Variants in TJP2 observed in about 807,000 individuals in gnomAD.
The protein encoded by TJP2 is Friedreich ataxia region gene X104 (tight junction protein ZO-2).
Under a neutral mutation model 133.1 loss-of-function variants are expected in TJP2, and 91 were observed. The observed-to-expected ratio is 0.68, with a 90% CI of 0.58 to 0.81. The LOEUF is 0.81. TJP2 is among the 40% of genes least tolerant of loss of function. The pLI, the probability that TJP2 is intolerant of heterozygous loss-of-function variation, is 0.00. For missense variants in TJP2, 1,541 were observed against 1,565.6 expected, an observed-to-expected ratio of 0.98 and a Z score of 0.26; for synonymous variants, 592 against 583.4, an observed-to-expected ratio of 1.01 and a Z score of -0.21.
At chr9:69,187,436 CTCTG>C (rs1314777841) in intron 1 of TJP2, among the ~76,000 whole-genome samples, 2 of 152,216 alleles carry the variant, frequency 1.3e-5, no homozygotes, top group Non-Finnish European at 2.9e-5. Context: ...ATTTCTGTTT[CTCTG>C]TCTCTTTCGT....
intron 2 of TJP2, among the ~76,000 whole-genome samples, chr9:69,216,070 C>CG (rs1828350857): frequency 6.6e-6 from 1 of 152,300 alleles, no homozygotes; most frequent in African/African-American, 2.4e-5. Context: ...TTTCCTATCC[C>CG]GGCCAGCTTC....
At position 69,244,254 on chromosome 9, in the gene TJP2, C is replaced by T. The variant is rs528170983; in HGVS notation, c.2567-2436C>T. On this transcript the variant is annotated intron_variant, in intron 17 of 22. Transcript: ENST00000377245. ...AGTATATTCAGAGTTGTACAGCTGTCATCACAACCAATCAATCTTAGAACA... is the reference window on the plus strand; with the variant it reads ...AGTATATTCAGAGTTGTACAGCTGTTATCACAACCAATCAATCTTAGAACA... 1.6e-3 allele frequency among the ~76,000 whole-genome samples: 236 copies of T among 151,002 alleles called. 1 individual carries two copies. Among genetic ancestry groups the T allele is most frequent in the African/African-American group, 5.6e-3 (229 of 41,140 alleles).
chr9:69,234,857 T>C (rs1830067072), intron 12 of TJP2, among the ~76,000 whole-genome samples: 1 of 152,196 alleles, frequency 6.6e-6, no homozygotes, highest in South Asian at 2.1e-4. Flanking sequence ...ATACGACATG[T>C]GCAAAGGCCA....
chr9:69,121,416 C>A (rs1238259518), upstream of TJP2: 1 of 918,728 alleles, frequency 1.1e-6, no homozygotes, highest in Non-Finnish European at 1.3e-6. Flanking sequence ...CTCTCTGGCT[C>A]GCCACCGCCC....
upstream of TJP2, among the ~76,000 whole-genome samples, chr9:69,172,230 T>C (rs1236749472): frequency 6.6e-6 from 1 of 152,246 alleles, no homozygotes. Flanking sequence ...AAAAAGCTAA[T>C]ATATCAACTG....
chr9:69,219,783 C>A (rs1828670758), intron 4 of TJP2, among the ~76,000 whole-genome samples: 1 of 152,160 alleles, frequency 6.6e-6, no homozygotes, highest in Admixed American at 6.5e-5. Flanking sequence ...TCACTCATTG[C>A]ATTTAATCAT....
intron 1 of TJP2, among the ~76,000 whole-genome samples, chr9:69,206,016 TGC>T (rs1211390408): frequency 6.6e-6 from 1 of 152,242 alleles, no homozygotes; most frequent in African/African-American, 2.4e-5. Flanking sequence ...AGTAACTATT[TGC>T]CTTAGTTCCT....
chr9:69,197,399 T>G (rs73450836), intron 1 of TJP2, among the ~76,000 whole-genome samples: 1 of 152,226 alleles, frequency 6.6e-6, no homozygotes, highest in Non-Finnish European at 1.5e-5. Context: ...TTGGGCTGTT[T>G]CCACTTGTTT....
intron 1 of TJP2, among the ~76,000 whole-genome samples, chr9:69,148,373 CTTTTT>C (rs780212434): frequency 7.6e-6 from 1 of 130,942 alleles, no homozygotes; most frequent in African/African-American, 2.8e-5. Context: ...CTCTGTAATA[CTTTTT>C]TTTTTTTTTT....
chr9:69,254,076 C>T (rs932952672), intron 22 of TJP2, 133 bp from the exon 23 acceptor site: 5 of 1,035,726 alleles, frequency 4.8e-6, no homozygotes, highest in African/African-American at 1.6e-5. Context: ...GCCCTGGTTG[C>T]TCTGCAGAAT....
intron 1 of TJP2, among the ~76,000 whole-genome samples, chr9:69,209,849 T>G (rs1007936356): frequency 5.9e-5 from 9 of 152,204 alleles, no homozygotes; most frequent in Non-Finnish European, 1.2e-4. Flanking sequence ...AATGCTGTTT[T>G]AGACACATGC....
intron 1 of TJP2, among the ~76,000 whole-genome samples, chr9:69,129,128 A>G (rs1182729506): frequency 6.6e-6 from 1 of 152,242 alleles, no homozygotes; most frequent in Non-Finnish European, 1.5e-5. Context: ...TTTAATGTCC[A>G]TGAAAATAAT....
chr9:69,145,066 G>C (rs557333488), intron 1 of TJP2, among the ~76,000 whole-genome samples: 1 of 152,222 alleles, frequency 6.6e-6, no homozygotes, highest in East Asian at 1.9e-4. Context: ...ACACATGTTG[G>C]GTTCTAGAGG....
chr9:69,205,214 T>A (rs1827303987), intron 1 of TJP2: 5 of 1,537,126 alleles, frequency 3.3e-6, no homozygotes, highest in Non-Finnish European at 4.4e-6. Flanking sequence ...GTTAAAAAGT[T>A]GAGGAGATGG....
In TJP2 at chr9:69,218,258, G is replaced by C; in HGVS notation, c.241G>C (p.Glu81Gln). 1 of 1,612,448 alleles carries C rather than the reference G, an allele frequency of 6.2e-7. No individual in the cohort carries two copies. The highest frequency in any genetic ancestry group is 8.5e-7 in the Non-Finnish European group (1 of 1,178,476). The change falls in exon 4 of 23, where the codon GAA becomes CAA. Residue 81 changes from glutamate to glutamine, a missense_variant and splice_region_variant. Coordinates refer to ENST00000377245, the MANE Select transcript of TJP2 (RefSeq NM_004817.4). Reference protein sequence around the residue: ...PGGPADGLLQENDRVVMVNGT... With the variant: ...PGGPADGLLQQNDRVVMVNGT... The stretch of plus-strand genomic sequence containing the variant: ...CCCATTTTTATTTCTTGTTTACAGA[G>C]AAAATGACAGAGTGGTCATGGTCAA...
chr9:69,234,402 T>C lies in TJP2; in HGVS notation c.1672-37T>C, dbSNP rs111745806. ...TCTTTCTTTCTTTCTTTCTTTCTTT[T>C]TTTTTTTTTTCTTTTTCTGTTTTTC... On this transcript the variant is annotated intron_variant, in intron 11 of 22. Coordinates refer to ENST00000377245, the MANE Select transcript of TJP2 (RefSeq NM_004817.4). 1.9e-4 allele frequency: 233 copies of C among 1,217,462 alleles called. No individual in the cohort carries two copies. In the East Asian group the frequency reaches 2.0e-3, roughly 11 times the overall value. The allele number at this position is 1,217,462 out of a possible 1,614,324, so 75.4% of individuals were successfully genotyped here.
intron 1 of TJP2, among the ~76,000 whole-genome samples, chr9:69,136,150 A>G (rs1394148825): frequency 6.6e-6 from 1 of 152,148 alleles, no homozygotes; most frequent in African/African-American, 2.4e-5. Flanking sequence ...ACTGTGGTCC[A>G]TAGAACCAAT....
In TJP2 at chr9:69,208,478, G is replaced by A. The variant is rs540176636; in HGVS notation, c.61-4070G>A. 6.6e-5 allele frequency among the ~76,000 whole-genome samples: 10 copies of A among 152,230 alleles called. No individual in the cohort carries two copies. The South Asian group carries it at 2.1e-3, about 32-fold the overall frequency. ...CATCACAGGACACTTAAAGATGGTA[G>A]CATCCCATTATTGAAGGGCTGTGAA... On this transcript the variant is annotated intron_variant, in intron 1 of 22. Coordinates refer to ENST00000377245, the MANE Select transcript of TJP2 (RefSeq NM_004817.4).
At chr9:69,150,104 T>G (rs915624629) in intron 1 of TJP2, among the ~76,000 whole-genome samples, 3 of 151,770 alleles carry the variant, frequency 2.0e-5, no homozygotes, top group Non-Finnish European at 2.9e-5. Flanking sequence ...GAGCCGAGAT[T>G]GTGCCACTGC....
Sources: gnomAD v4.1 joint callset for allele counts (sites outside exome capture counted in the v4.1 genomes callset) on GRCh38, gnomAD v4.1.1 for gene constraint, MANE v1.5 for transcripts, NCBI Gene and HGNC (gene_info 2026-07-23, HGNC 2026-07-21) for gene names.